Variants in PRKG1 observed in about 807,000 individuals in gnomAD.
PRKG1 encodes the protein cGMP-dependent protein kinase 1.
A neutral mutation model predicts 88.1 loss-of-function variants in PRKG1; 35 were observed. The ratio of observed to expected loss-of-function variants is 0.40; its 90% CI spans 0.30 to 0.53. PRKG1 has a LOEUF of 0.53. Among genes scored for constraint, PRKG1 ranks in the 20% least tolerant of loss-of-function variants. The pLI is 0.59. For synonymous variants in PRKG1, 303 were observed against 292.5 expected, an observed-to-expected ratio of 1.04 and a Z score of -0.37; for missense variants, 540 against 839.8, an observed-to-expected ratio of 0.64 and a Z score of 4.41.
intron 14 of PRKG1, among the ~76,000 whole-genome samples, chr10:52,288,064 C>T (rs1333454684): frequency 1.3e-5 from 2 of 152,092 alleles, no homozygotes; most frequent in Admixed American, 1.3e-4. Flanking sequence ...AAACTTTAAA[C>T]TAGAGCATGA....
intron 1 of PRKG1, among the ~76,000 whole-genome samples, chr10:51,083,007 A>G (rs12218335): frequency 0.25 from 38,281 of 152,152 alleles, 5,018 homozygotes; most frequent in African/African-American, 0.3. Flanking sequence ...AACCTCTGCT[A>G]TGACCCATTC....
At chr10:51,194,201 T>C (rs201924795) in intron 2 of PRKG1, among the ~76,000 whole-genome samples, 1 of 152,012 alleles carries the variant, frequency 6.6e-6, no homozygotes, top group East Asian at 1.9e-4. Context: ...CAGTAGAAGA[T>C]TAGTATTTAG....
At chr10:51,730,782 A>T (rs376188346) in intron 3 of PRKG1, among the ~76,000 whole-genome samples, 1 of 152,258 alleles carries the variant, frequency 6.6e-6, no homozygotes, top group Non-Finnish European at 1.5e-5. Context: ...AAAGAGGGAA[A>T]ATTAAACCTG....
At chr10:51,350,904 A>G (rs1842226927) in intron 2 of PRKG1, among the ~76,000 whole-genome samples, 2 of 152,136 alleles carry the variant, frequency 1.3e-5, no homozygotes, top group African/African-American at 2.4e-5. Flanking sequence ...TCCTAATGCT[A>G]TCCCTCCCCT....
intron 7 of PRKG1, among the ~76,000 whole-genome samples, chr10:52,104,644 T>A (rs2132574452): frequency 6.6e-6 from 1 of 152,306 alleles, no homozygotes; most frequent in Middle Eastern, 3.4e-3. Flanking sequence ...GACTAAATGA[T>A]ATATAAATAA....
At chr10:51,979,410 G>GTTTTGTT (rs1843936903) in intron 5 of PRKG1, among the ~76,000 whole-genome samples, 1 of 47,056 alleles carries the variant, frequency 2.1e-5, no homozygotes, top group African/African-American at 8.4e-5. Flanking sequence ...ATATTGGTCT[G>GTTTTGTT]TTTTTTTTTT....
intron 9 of PRKG1, among the ~76,000 whole-genome samples, chr10:52,194,421 A>C (rs1764503730): frequency 6.6e-6 from 1 of 152,162 alleles, no homozygotes; most frequent in Non-Finnish European, 1.5e-5. Flanking sequence ...GAGAATGATG[A>C]CTGTTATTCA....
chr10:51,128,746 A>G (rs981263131), intron 1 of PRKG1, among the ~76,000 whole-genome samples: 1 of 152,218 alleles, frequency 6.6e-6, no homozygotes, highest in Non-Finnish European at 1.5e-5. Flanking sequence ...AAAATTAAAT[A>G]CTTGGTAATT....
chr10:52,207,821 T>TC (rs1295897702), intron 9 of PRKG1, among the ~76,000 whole-genome samples: 2 of 152,116 alleles, frequency 1.3e-5, no homozygotes, highest in African/African-American at 4.8e-5. Flanking sequence ...CCCAGCTTAC[T>TC]CCCCCTTCAG....
chr10:51,145,850 T>C (rs983214567), intron 1 of PRKG1, among the ~76,000 whole-genome samples: 1 of 152,178 alleles, frequency 6.6e-6, no homozygotes, highest in Non-Finnish European at 1.5e-5. Flanking sequence ...ACTAGCTGTA[T>C]TTTTAGTTTT....
At chr10:51,803,635 A>G (rs1374092912) in intron 3 of PRKG1, among the ~76,000 whole-genome samples, 1 of 152,050 alleles carries the variant, frequency 6.6e-6, no homozygotes, top group South Asian at 2.1e-4. Flanking sequence ...CTGTCTTTCT[A>G]TGTTTGGCTC....
intron 3 of PRKG1, among the ~76,000 whole-genome samples, chr10:51,765,840 T>C (rs1838145982): frequency 7.3e-6 from 1 of 137,624 alleles, no homozygotes; most frequent in Non-Finnish European, 1.6e-5. Context: ...TTTTTTTTTT[T>C]ACTTTATTAG....
intron 5 of PRKG1, among the ~76,000 whole-genome samples, chr10:51,967,065 T>C (rs1473156825): frequency 6.6e-6 from 1 of 152,168 alleles, no homozygotes; most frequent in Non-Finnish European, 1.5e-5. Context: ...ACTGGGTATA[T>C]ACCCAAAGGA....
At chr10:51,112,539 AT>A (rs1845002622) in intron 1 of PRKG1, among the ~76,000 whole-genome samples, 1 of 152,146 alleles carries the variant, frequency 6.6e-6, no homozygotes, top group African/African-American at 2.4e-5. Context: ...CATTAGATTC[AT>A]AATAACATTT....
chr10:51,724,571 T>A (rs1842087052), intron 3 of PRKG1, among the ~76,000 whole-genome samples: 1 of 152,242 alleles, frequency 6.6e-6, no homozygotes, highest in East Asian at 1.9e-4. Context: ...ATTCTTTAAA[T>A]TGAGATGGGG....
In PRKG1 at chr10:51,869,155, T is replaced by C. The variant is rs116015085; in HGVS notation, c.699-38352T>C. Among the ~76,000 whole-genome samples, 1,323 of 152,306 alleles carry C rather than the reference T, an allele frequency of 8.7e-3. 22 individuals are homozygous for C. The highest frequency in any genetic ancestry group is 0.03 in the African/African-American group (1,265 of 41,568). On this transcript the variant is annotated intron_variant, in intron 4 of 17. Transcript: ENST00000373980. ...ACATTTTGATATTGACACATTGCGATTGCACCTTTCTTAGTTTAGTTTTTT... is the reference window on the plus strand; with the variant it reads ...ACATTTTGATATTGACACATTGCGACTGCACCTTTCTTAGTTTAGTTTTTT...
At chr10:51,563,608 C>A (rs1445144473) in intron 3 of PRKG1, among the ~76,000 whole-genome samples, 2 of 148,488 alleles carry the variant, frequency 1.3e-5, no homozygotes, top group African/African-American at 5.0e-5. Context: ...AGCAACAGAA[C>A]GTTTGTCGAC....
At position 51,167,814 on chromosome 10, in the gene PRKG1, A is replaced by G. The variant is rs550153823; in HGVS notation, c.478+14484A>G. 9.8e-5 allele frequency among the ~76,000 whole-genome samples: 15 copies of G among 152,308 alleles called. No homozygotes were observed. The East Asian group carries it at 2.1e-3, about 22-fold the overall frequency. ...AAAAGTGAGATACTTCATCTTTGAGAGTACAAGACAAGATTTCTGTTCTGA... is the reference window on the plus strand; with the variant it reads ...AAAAGTGAGATACTTCATCTTTGAGGGTACAAGACAAGATTTCTGTTCTGA... On this transcript the variant is annotated intron_variant, in intron 2 of 17. Transcript: ENST00000373980.
intron 3 of PRKG1, among the ~76,000 whole-genome samples, chr10:51,507,100 A>G (rs1041717921): frequency 2.0e-5 from 3 of 147,244 alleles, no homozygotes; most frequent in Non-Finnish European, 3.0e-5. Flanking sequence ...GAATTGAACA[A>G]TGAGAACACA....
Sources: gnomAD v4.1 joint callset for allele counts (sites outside exome capture counted in the v4.1 genomes callset) on GRCh38, gnomAD v4.1.1 for gene constraint, MANE v1.5 for transcripts, NCBI Gene and HGNC (gene_info 2026-07-23, HGNC 2026-07-21) for gene names.